CDH11: variants seen among roughly 807,000 people sequenced by gnomAD.
The protein encoded by CDH11 is cadherin 11.
A neutral mutation model predicts 67.8 loss-of-function variants in CDH11; 11 were observed. The ratio of observed to expected loss-of-function variants is 0.16; its 90% CI spans 0.10 to 0.27. The LOEUF is 0.27. Among genes scored for constraint, CDH11 ranks in the 10% least tolerant of loss-of-function variants. CDH11 has a pLI of 1.00. For synonymous variants in CDH11, 419 were observed against 400.0 expected (o/e 1.05, Z -0.57); for missense variants, 847 against 1,031.2 (o/e 0.82, Z 2.45).
In CDH11 at chr16:64,982,301, G is replaced by C. The variant is rs778270555; in HGVS notation, c.1000C>G (p.Pro334Ala). The change falls in exon 8 of 13, where the codon CCT becomes GCT. Residue 334 changes from proline (P) to alanine (A), a missense_variant and splice_region_variant. Coordinates refer to ENST00000268603, the MANE Select transcript of CDH11 (RefSeq NM_001797.4). Reference sequence around the variant, plus strand: ...GCTCTTTTGGTTTCAAAATCTACAGGCTGGCAAGAATGAAGAGAAGATTGA... The same window carrying C: ...GCTCTTTTGGTTTCAAAATCTACAGCCTGGCAAGAATGAAGAGAAGATTGA... Reference protein sequence around the residue: ...TQEGVIKLKKPVDFETKRAYS... With the variant: ...TQEGVIKLKKAVDFETKRAYS... The C allele has an allele frequency of 9.9e-6, 16 of 1,609,090 alleles. No homozygotes were observed. Among genetic ancestry groups the C allele is most frequent in the East Asian group, 6.7e-5 (3 of 44,820 alleles).
chr16:64,950,618 C>T (rs988904015), intron 12 of CDH11, 149 bp downstream of exon 12: 1 of 893,572 alleles, frequency 1.1e-6, no homozygotes, highest in Non-Finnish European at 1.6e-6. Flanking sequence ...CAACGCCCAC[C>T]CCGCCCCCGT....
chr16:64,995,590 ACTC>A, intron 4 of CDH11, among the ~76,000 whole-genome samples: 1 of 152,292 alleles, frequency 6.6e-6, no homozygotes, highest in South Asian at 2.1e-4. Flanking sequence ...ACAAAAATTA[ACTC>A]AGGATGAATT....
At chr16:65,041,675 A>G (rs540547437) in intron 2 of CDH11, among the ~76,000 whole-genome samples, 1 of 152,298 alleles carries the variant, frequency 6.6e-6, no homozygotes, top group South Asian at 2.1e-4. Context: ...ATTGATACCT[A>G]CTCAAGCATT....
chr16:65,046,879 G>A (rs183147311), intron 2 of CDH11, among the ~76,000 whole-genome samples: 78 of 152,268 alleles, frequency 5.1e-4, no homozygotes, highest in African/African-American at 1.5e-3. Flanking sequence ...AGGCCGAGGC[G>A]GGCAGATCAC....
chr16:64,974,630 A>T (rs190089440), intron 8 of CDH11, among the ~76,000 whole-genome samples: 9 of 152,328 alleles, frequency 5.9e-5, no homozygotes, highest in African/African-American at 1.9e-4. Flanking sequence ...TAGAATAATG[A>T]GTCCCCTTGC....
chr16:65,122,148 G>GGGGGGGGGGGGGGGGGGGGGGC, upstream of CDH11: 1 of 323,844 alleles, frequency 3.1e-6, no homozygotes, highest in East Asian at 1.1e-4. Flanking sequence ...GGGGGGGCGG[G>GGGGGGGGGGGGGGGGGGGGGGC]AGGAGGGAGG....
chr16:64,988,309 G>A lies in CDH11; in HGVS notation c.847C>T (p.Pro283Ser), dbSNP rs2072539028. 5 of 1,613,156 alleles carry A rather than the reference G, an allele frequency of 3.1e-6. No homozygotes were observed. The highest frequency in any genetic ancestry group is 3.4e-6 in the Non-Finnish European group (4 of 1,179,572). ...YQMSVSEAAV[P>S]GEEVGRVKAK... ...TTCACTCTTCCTACTTCCTCCCCAG[G>A]GACGGCTGCTTCTGACACAGACATC... Residue 283 changes from proline (P) to serine (S), a missense_variant, in exon 7 of 13, where the codon CCT becomes TCT. Physicochemically the swap from Pro to Ser is moderately conservative, Grantham distance 74. This residue lies in a region of CDH11 where 612 missense variants were observed against 678.7 expected (regional missense o/e 0.90). Transcript: ENST00000268603.
intron 1 of CDH11, among the ~76,000 whole-genome samples, chr16:65,091,358 C>T (rs906807263): frequency 6.6e-6 from 1 of 152,114 alleles, no homozygotes; most frequent in Non-Finnish European, 1.5e-5. Flanking sequence ...AAAATCTCAG[C>T]AGAAGAAATA....
At chr16:65,080,451 C>A (rs1055349527) in intron 1 of CDH11, among the ~76,000 whole-genome samples, 3 of 152,124 alleles carry the variant, frequency 2.0e-5, no homozygotes, top group Non-Finnish European at 4.4e-5. Flanking sequence ...AACAAACACA[C>A]CAGTATGATT....
Position 65,004,814 on chromosome 16 carries a change from T to C in CDH11, c.56A>G (p.His19Arg), listed in dbSNP as rs1037676361. The C allele has an allele frequency of 6.3e-7, 1 of 1,588,962 alleles. No individual in the cohort carries two copies. The change falls in exon 3 of 13, where the codon CAC (histidine) becomes CGC (arginine). Residue 19 changes from histidine (H) to arginine (R), a missense_variant. His to Arg is a conservative substitution (Grantham distance 29). Transcript: ENST00000268603. ...CCGCTCTGGGGCAAAGGCATGGCTG[T>C]GGCACAGCATGCCCAGGCACACCAG... ...AALVCLGMLC[H>R]SHAFAPERRG...
At chr16:64,954,039 G>A (rs2071435589) in intron 11 of CDH11, among the ~76,000 whole-genome samples, 1 of 152,284 alleles carries the variant, frequency 6.6e-6, no homozygotes, top group South Asian at 2.1e-4. Context: ...TGCACTTCCA[G>A]ATCACAGCAG....
At chr16:65,108,066 C>A (rs997479419) in intron 1 of CDH11, among the ~76,000 whole-genome samples, 22 of 152,076 alleles carry the variant, frequency 1.4e-4, no homozygotes, top group Non-Finnish European at 4.4e-5. Context: ...AAGTTAGGCA[C>A]CCAATAAGAA....
At chr16:64,970,113 A>G (rs938268116) in intron 11 of CDH11, among the ~76,000 whole-genome samples, 13 of 152,204 alleles carry the variant, frequency 8.5e-5, no homozygotes, top group African/African-American at 2.9e-4. Context: ...GTTTTTCTAC[A>G]TATAACTTCC....
chr16:65,070,112 T>C (rs2074391078), intron 1 of CDH11, among the ~76,000 whole-genome samples: 2 of 152,210 alleles, frequency 1.3e-5, no homozygotes, highest in Admixed American at 6.5e-5. Context: ...CAAATCCCTT[T>C]GCACTCAGAG....
At chr16:65,028,619 A>G (rs1332243332) in intron 2 of CDH11, among the ~76,000 whole-genome samples, 2 of 152,158 alleles carry the variant, frequency 1.3e-5, no homozygotes, top group Non-Finnish European at 2.9e-5. Flanking sequence ...TACAAGACGC[A>G]GCTAAATCCT....
At chr16:64,983,127 T>C (rs1035229154) in intron 7 of CDH11, 1 of 122,798 alleles carries the variant, frequency 8.1e-6, no homozygotes, top group Non-Finnish European at 1.8e-5. Flanking sequence ...TTTCCTTTTT[T>C]AAAATGCTTC....
intron 2 of CDH11, among the ~76,000 whole-genome samples, chr16:65,048,138 C>G (rs1314317349): frequency 6.6e-6 from 1 of 152,202 alleles, no homozygotes; most frequent in Non-Finnish European, 1.5e-5. Context: ...GATGAGTAAA[C>G]ACATCCAGAG....
chr16:64,969,541 A>C (rs759920236), intron 11 of CDH11, among the ~76,000 whole-genome samples: 24 of 152,228 alleles, frequency 1.6e-4, no homozygotes, highest in Non-Finnish European at 3.5e-4. Context: ...TATTGTTAAA[A>C]CTAAATCCAT....
At chr16:65,074,115 A>G (rs531972672) in intron 1 of CDH11, among the ~76,000 whole-genome samples, 53 of 152,104 alleles carry the variant, frequency 3.5e-4, no homozygotes, top group East Asian at 5.8e-4. Context: ...ATACCTATTG[A>G]CTCCTGGTGA....
Sources: gnomAD v4.1 joint callset for allele counts (sites outside exome capture counted in the v4.1 genomes callset) on GRCh38, gnomAD v4.1.1 for gene constraint, gnomAD v4.1.1 regional missense constraint, MANE v1.5 for transcripts, NCBI Gene and HGNC (gene_info 2026-07-23, HGNC 2026-07-21) for gene names.